The following PUM1 variants were observed in gnomAD, a reference collection of about 807,000 sequenced individuals.
PUM1 encodes pumilio homolog 1.
In PUM1, 13 loss-of-function variants were observed where a neutral mutation model predicts 131.8. The observed-to-expected ratio is 0.10, with a 90% confidence interval of 0.06 to 0.16. The LOEUF (loss-of-function observed/expected upper bound fraction) is 0.16. PUM1 is among the 10% of genes least tolerant of loss of function. PUM1 has a pLI of 1.00. For missense variants in PUM1, 961 were observed against 1,512.4 expected, an observed-to-expected ratio of 0.64 and a Z score of 6.05; for synonymous variants, 509 against 556.5, an observed-to-expected ratio of 0.91 and a Z score of 1.20.
chr1:30,941,194 T>G lies in PUM1; in HGVS notation c.3199A>C (p.Ile1067Leu), dbSNP rs773882189. 6.2e-7 allele frequency: 1 copy of G among 1,613,770 alleles called. No homozygotes were observed. Among genetic ancestry groups the G allele is most frequent in the Non-Finnish European group, 8.5e-7 (1 of 1,179,808 alleles). ...CTCAATACAAGTACATTGCCTCGGATTTCTGCTACAATTTTGCTTTTATCC... is the reference window on the plus strand; with the variant it reads ...CTCAATACAAGTACATTGCCTCGGAGTTCTGCTACAATTTTGCTTTTATCC... The part of the protein sequence containing the change: ...PEDKSKIVAE[I>L]RGNVLVLSQH... Residue 1067 changes from isoleucine (I) to leucine (L), a missense_variant, in exon 20 of 22, where the codon ATC becomes CTC. This residue lies in a region of PUM1 where 178 missense variants were observed against 327.5 expected (regional missense o/e 0.54). Coordinates refer to ENST00000426105, the MANE Select transcript of PUM1 (RefSeq NM_001020658.2).
intron 7 of PUM1, among the ~76,000 whole-genome samples, chr1:30,985,035 C>A (rs558580414): frequency 1.3e-5 from 2 of 152,274 alleles, no homozygotes; most frequent in Admixed American, 1.3e-4. Context: ...TGGAGCCAGA[C>A]AGCCTTGGTT....
intron 2 of PUM1, among the ~76,000 whole-genome samples, chr1:31,040,321 T>C (rs1643775820): frequency 1.3e-5 from 2 of 152,256 alleles, no homozygotes; most frequent in Admixed American, 6.5e-5. Context: ...GAGATGTGTA[T>C]GACATACAAT....
chr1:31,048,996 AG>A (rs917092028), intron 2 of PUM1, among the ~76,000 whole-genome samples: 1 of 152,000 alleles, frequency 6.6e-6, no homozygotes, highest in African/African-American at 2.4e-5. Context: ...ACCTGAGGTC[AG>A]GAGCTCAAGA....
intron 6 of PUM1, among the ~76,000 whole-genome samples, chr1:30,994,802 T>C (rs1168899759): frequency 6.6e-6 from 1 of 152,244 alleles, no homozygotes. Context: ...CTCTGGAATC[T>C]TTCTTCAGAT....
intron 7 of PUM1, among the ~76,000 whole-genome samples, chr1:30,989,175 A>G (rs1641678741): frequency 6.6e-6 from 1 of 152,136 alleles, no homozygotes; most frequent in African/African-American, 2.4e-5. Flanking sequence ...CAGACTGACT[A>G]CTTCTACATT....
At chr1:31,056,876 T>A (rs1011833960) in intron 2 of PUM1, among the ~76,000 whole-genome samples, 16 of 151,932 alleles carry the variant, frequency 1.1e-4, no homozygotes, top group African/African-American at 2.4e-4. Context: ...CACTGCAAAC[T>A]CCCTGTCCCA....
At chr1:31,009,907 A>G (rs1570264988) in intron 3 of PUM1, among the ~76,000 whole-genome samples, 1 of 152,286 alleles carries the variant, frequency 6.6e-6, no homozygotes, top group Middle Eastern at 3.4e-3. Flanking sequence ...GCAGCCTTTC[A>G]GCTCAAGGCT....
chr1:30,964,548 G>A, intron 14 of PUM1, 126 bp downstream of exon 14: 1 of 801,962 alleles, frequency 1.2e-6, no homozygotes, highest in Non-Finnish European at 2.1e-6. Context: ...ATTTACGGAA[G>A]GCACAGAACA....
intron 21 of PUM1, 93 bp from the exon 22 acceptor site, chr1:30,933,435 C>CACAT (rs1321925521): frequency 2.8e-5 from 24 of 871,192 alleles, no homozygotes; most frequent in South Asian, 1.7e-4. Context: ...GCATCACACA[C>CACAT]ACATACACAC....
intron 15 of PUM1, 24 bp downstream of exon 15, chr1:30,953,690 A>G (rs747731063): frequency 1.2e-6 from 2 of 1,611,826 alleles, no homozygotes; most frequent in South Asian, 1.1e-5. Context: ...CGGGTACCTT[A>G]AAGTGCCAAA....
At chr1:31,017,625 G>T (rs1398700305) in intron 3 of PUM1, among the ~76,000 whole-genome samples, 1 of 151,916 alleles carries the variant, frequency 6.6e-6, no homozygotes, top group Non-Finnish European at 1.5e-5. Context: ...CCAAAAGACT[G>T]GACAACCCTG....
rs1644467762 is a variant in PUM1, at chr1:31,065,649, C to A, written c.-45G>T. The A allele has an allele frequency of 3.2e-6, 5 of 1,549,508 alleles. No homozygotes were observed. Among genetic ancestry groups the A allele is most frequent in the Non-Finnish European group, 3.5e-6 (4 of 1,146,856 alleles). On this transcript the variant is annotated 5_prime_UTR_variant, in exon 1 of 22. Transcript: ENST00000426105. Reference sequence around the variant, plus strand: ...CGGTAGGATGAAGATGGATTTCAGCCCCCCGATCTTCTCTCTCTGGCGCTC... The same window carrying A: ...CGGTAGGATGAAGATGGATTTCAGCACCCCGATCTTCTCTCTCTGGCGCTC...
rs201606052 is a variant in PUM1 at position 30,981,313 on chromosome 1, G to A, written c.1251C>T (p.Ile417=). The change falls in exon 8 of 22, where the codon ATC becomes ATT. Residue 417 remains isoleucine (I), a splice_region_variant and synonymous_variant. Transcript: ENST00000426105. The part of the protein sequence containing the change: ...YALAAAHQPH[I]GLAPAAFVPN... Reference sequence around the variant, plus strand: ...AGAGCTATGGGCTTAAGGACTTACCGATGTGCGGCTGATGAGCAGCTGCCA... The same window carrying A: ...AGAGCTATGGGCTTAAGGACTTACCAATGTGCGGCTGATGAGCAGCTGCCA... The A allele has an allele frequency of 1.7e-5, 27 of 1,585,724 alleles. No homozygotes were observed. Among genetic ancestry groups the A allele is most frequent in the South Asian group, 3.4e-5 (3 of 87,298 alleles).
At chr1:31,007,374 T>G (rs1642431642) in intron 3 of PUM1, among the ~76,000 whole-genome samples, 1 of 152,198 alleles carries the variant, frequency 6.6e-6, no homozygotes, top group Non-Finnish European at 1.5e-5. Flanking sequence ...ATTACTCGCT[T>G]AACCCATGCC....
chr1:31,046,517 T>A (rs1473182787), intron 2 of PUM1, among the ~76,000 whole-genome samples: 1 of 149,494 alleles, frequency 6.7e-6, no homozygotes, highest in Non-Finnish European at 1.5e-5. Context: ...TTTGGTTTTT[T>A]TTTTTTTTGA....
At chr1:31,009,782 A>AAAAAAAAAAAAAAAAAAAAAAAAAAC (rs375044466) in intron 3 of PUM1, among the ~76,000 whole-genome samples, 1 of 125,354 alleles carries the variant, frequency 8.0e-6, no homozygotes, top group African/African-American at 3.3e-5. Context: ...AAAAAAAAAA[A>AAAAAAAAAAAAAAAAAAAAAAAAAAC]AAAAACAAAA....
chr1:30,974,538 C>T (rs1256480415), intron 10 of PUM1, 113 bp downstream of exon 10: 3 of 1,072,150 alleles, frequency 2.8e-6, no homozygotes, highest in East Asian at 2.6e-5. Flanking sequence ...TATATACACA[C>T]AAGAGGAAAT....
At chr1:31,007,773 T>C (rs1016738437) in intron 3 of PUM1, among the ~76,000 whole-genome samples, 16 of 152,350 alleles carry the variant, frequency 1.1e-4, no homozygotes, top group Admixed American at 2.6e-4. Context: ...AATCACTCCA[T>C]GCTTCAGAGA....
At position 30,964,667 on chromosome 1, in the gene PUM1, T is replaced by C; in HGVS notation, c.2323+7A>G. On this transcript the variant is annotated splice_region_variant and intron_variant, in intron 14 of 21. Coordinates refer to ENST00000426105, the MANE Select transcript of PUM1 (RefSeq NM_001020658.2). Reference sequence around the variant, plus strand: ...GTTCAAGGTGGTGTTAGAGTAATGGTTCTTACCCAGGTTTAAGCTTGAAGA... The same window carrying C: ...GTTCAAGGTGGTGTTAGAGTAATGGCTCTTACCCAGGTTTAAGCTTGAAGA... 2 of 1,599,764 alleles carry C rather than the reference T, an allele frequency of 1.3e-6. No homozygotes were observed. Among genetic ancestry groups the C allele is most frequent in the Non-Finnish European group, 1.7e-6 (2 of 1,167,006 alleles).
Sources: gnomAD v4.1 joint callset for allele counts (sites outside exome capture counted in the v4.1 genomes callset) on GRCh38, gnomAD v4.1.1 for gene constraint, gnomAD v4.1.1 regional missense constraint, MANE v1.5 for transcripts, NCBI Gene and HGNC (gene_info 2026-07-23, HGNC 2026-07-21) for gene names.